The following PAPPA2 variants were observed in gnomAD, a reference collection of about 807,000 sequenced individuals.
The protein encoded by PAPPA2 is pappalysin 2.
Under a neutral mutation model 176.4 loss-of-function variants are expected in PAPPA2, and 86 were observed. The ratio of observed to expected loss-of-function variants is 0.49; its 90% CI spans 0.41 to 0.58. The LOEUF (loss-of-function observed/expected upper bound fraction) is 0.58. Among genes scored for constraint, PAPPA2 ranks in the 20% least tolerant of loss-of-function variants. PAPPA2 has a pLI of 0.00. For missense variants in PAPPA2, 2,073 were observed against 2,256.9 expected (o/e 0.92, Z 1.65); for synonymous variants, 809 against 852.2 (o/e 0.95, Z 0.88).
At chr1:176,559,878 T>C (rs894001614) in intron 2 of PAPPA2, among the ~76,000 whole-genome samples, 4 of 152,162 alleles carry the variant, frequency 2.6e-5, no homozygotes, top group Non-Finnish European at 5.9e-5. Context: ...ATCTACCCAA[T>C]TTAGGGCATT....
intron 2 of PAPPA2, among the ~76,000 whole-genome samples, chr1:176,578,550 A>T (rs1282284092): frequency 6.6e-6 from 1 of 152,206 alleles, no homozygotes; most frequent in Non-Finnish European, 1.5e-5. Flanking sequence ...ATAGATGTCT[A>T]AGATAGGCTC....
In PAPPA2 at chr1:176,787,083, A is replaced by G. The variant is rs532330951; in HGVS notation, c.4716-2726A>G. ...TGTACCCCTGAACCTGAAAGTTGGA[A>G]AGAAAAAAAAAGTGCTGTTTGGAGG... On this transcript the variant is annotated intron_variant, in intron 17 of 22. Coordinates refer to ENST00000367662, the MANE Select transcript of PAPPA2 (RefSeq NM_020318.3). 5.3e-5 allele frequency among the ~76,000 whole-genome samples: 8 copies of G among 152,306 alleles called. 1 individual carries two copies. Among genetic ancestry groups the G allele is most frequent in the African/African-American group, 1.4e-4 (6 of 41,570 alleles).
chr1:176,819,990 T>C (rs1376688024), intron 21 of PAPPA2, among the ~76,000 whole-genome samples: 1 of 152,136 alleles, frequency 6.6e-6, no homozygotes, highest in East Asian at 1.9e-4. Flanking sequence ...CAACTTGGGG[T>C]AACTTTCCTT....
At position 176,738,024 on chromosome 1, in the gene PAPPA2, G is replaced by T. The variant is rs183631944; in HGVS notation, c.3799-1602G>T. Among the ~76,000 whole-genome samples, 253 of 152,190 alleles carry T rather than the reference G, an allele frequency of 1.7e-3. 1 individual carries two copies. The highest frequency in any genetic ancestry group is 5.4e-3 in the African/African-American group (223 of 41,538). On this transcript the variant is annotated intron_variant, in intron 12 of 22. Coordinates refer to ENST00000367662, the MANE Select transcript of PAPPA2 (RefSeq NM_020318.3). ...CACAGAACTTTCTTCCAGTACTCAG[G>T]TTTCTTTTGTGGTGTATGAAAAGGA...
chr1:176,488,124 G>A (rs965370556), intron 1 of PAPPA2, among the ~76,000 whole-genome samples: 11 of 152,118 alleles, frequency 7.2e-5, no homozygotes, highest in African/African-American at 2.4e-5. Flanking sequence ...ATAGAAAATA[G>A]GCCCAGGTAA....
At chr1:176,644,945 T>A (rs1657313935) in intron 3 of PAPPA2, among the ~76,000 whole-genome samples, 1 of 151,866 alleles carries the variant, frequency 6.6e-6, no homozygotes, top group Admixed American at 6.6e-5. Context: ...TCTGATTTTA[T>A]TTAATTTCAA....
In PAPPA2 at chr1:176,629,869, A is replaced by C. The variant is rs545520350; in HGVS notation, c.1991+34274A>C. ...CACTTGGGTGAATCATTCAAACCAG[A>C]CTAGGAAGAAGGGGAGAGAAGGCTT... On this transcript the variant is annotated intron_variant, in intron 3 of 22. Transcript: ENST00000367662. 1.6e-4 allele frequency among the ~76,000 whole-genome samples: 24 copies of C among 152,258 alleles called. 1 individual carries two copies. The South Asian group carries it at 4.8e-3, about 30-fold the overall frequency.
At chr1:176,665,896 T>A (rs1658614556) in intron 3 of PAPPA2, among the ~76,000 whole-genome samples, 1 of 152,204 alleles carries the variant, frequency 6.6e-6, no homozygotes, top group Non-Finnish European at 1.5e-5. Context: ...ACTTCAAGGT[T>A]TCTGTGCACA....
At chr1:176,623,659 CTTTCTTTCTT>C (rs774335382) in intron 3 of PAPPA2, among the ~76,000 whole-genome samples, 6,812 of 128,824 alleles carry the variant, frequency 0.053, 235 homozygotes, top group Middle Eastern at 0.07. Context: ...TTCTTTCTTT[CTTTCTTTCTT>C]TTTCTTTCTT....
chr1:176,681,541 C>G (rs1483381052), intron 4 of PAPPA2, among the ~76,000 whole-genome samples: 7 of 152,064 alleles, frequency 4.6e-5, no homozygotes, highest in Non-Finnish European at 1.0e-4. Flanking sequence ...GCTTTTGTTT[C>G]CTCATATGTA....
At chr1:176,634,795 G>A (rs1573166815) in intron 3 of PAPPA2, among the ~76,000 whole-genome samples, 1 of 103,902 alleles carries the variant, frequency 9.6e-6, no homozygotes, top group African/African-American at 3.9e-5. Context: ...AATTTCCAAG[G>A]AGAGAGATAG....
chr1:176,706,291 A>G, intron 9 of PAPPA2, 68 bp from the exon 10 acceptor site: 1 of 1,378,714 alleles, frequency 7.3e-7, no homozygotes, highest in Non-Finnish European at 1.0e-6. Context: ...AAGAATTTTA[A>G]ATGATGGTAG....
At chr1:176,838,109 C>T (rs1198952086) in intron 21 of PAPPA2, among the ~76,000 whole-genome samples, 3 of 152,108 alleles carry the variant, frequency 2.0e-5, no homozygotes, top group African/African-American at 7.2e-5. Flanking sequence ...GAAATAATTC[C>T]CAGGCTATAG....
chr1:176,738,568 A>T (rs954657204), intron 12 of PAPPA2, among the ~76,000 whole-genome samples: 3 of 152,158 alleles, frequency 2.0e-5, no homozygotes, highest in Admixed American at 2.0e-4. Context: ...CTGGAGCTTC[A>T]TCACCCTTAG....
chr1:176,476,259 G>A (rs6425385), intron 1 of PAPPA2, among the ~76,000 whole-genome samples: 150,550 of 152,270 alleles, frequency 0.99, 74,433 homozygotes, highest in East Asian at 1. Context: ...ATCAGCAAGC[G>A]TCTGGGTTTC....
At chr1:176,616,381 G>A (rs1655259470) in intron 3 of PAPPA2, 4 of 587,928 alleles carry the variant, frequency 6.8e-6, no homozygotes, top group Admixed American at 2.1e-5. Flanking sequence ...GCTCCACTCC[G>A]CTTTTGTCCT....
chr1:176,671,608 G>A (rs1431447103), intron 4 of PAPPA2, among the ~76,000 whole-genome samples: 1 of 151,996 alleles, frequency 6.6e-6, no homozygotes, highest in Admixed American at 6.6e-5. Context: ...TGCAACTACT[G>A]AACACTTAAG....
intron 21 of PAPPA2, among the ~76,000 whole-genome samples, chr1:176,803,411 A>G (rs889482824): frequency 8.5e-5 from 13 of 152,158 alleles, no homozygotes; most frequent in South Asian, 2.1e-4. Context: ...TGTAGCCCCA[A>G]TGTAATTAGT....
intron 1 of PAPPA2, among the ~76,000 whole-genome samples, chr1:176,470,092 C>T (rs1651803648): frequency 6.6e-6 from 1 of 152,094 alleles, no homozygotes; most frequent in Non-Finnish European, 1.5e-5. Flanking sequence ...AGTTAAGTCT[C>T]CAAATGCAAA....
Sources: gnomAD v4.1 joint callset for allele counts (sites outside exome capture counted in the v4.1 genomes callset) on GRCh38, gnomAD v4.1.1 for gene constraint, MANE v1.5 for transcripts, NCBI Gene and HGNC (gene_info 2026-07-23, HGNC 2026-07-21) for gene names.